The following CRYBG3 variants were observed in gnomAD, a reference collection of about 807,000 sequenced individuals.
CRYBG3 encodes the protein very large A-kinase anchor protein.
In CRYBG3, 127 loss-of-function variants were observed where a neutral mutation model predicts 244.2. The ratio of observed to expected loss-of-function variants is 0.52; its 90% CI spans 0.45 to 0.60. The LOEUF (loss-of-function observed/expected upper bound fraction) is 0.60, where lower values mean the gene tolerates loss of function less well. Ranked by LOEUF, CRYBG3 falls within the 20% of genes least tolerant of loss-of-function variation. The pLI is 0.00. For missense variants in CRYBG3, 3,325 were observed against 3,442.5 expected, an observed-to-expected ratio of 0.97 and a Z score of 0.85; for synonymous variants, 1,132 against 1,195.8, an observed-to-expected ratio of 0.95 and a Z score of 1.10.
intron 10 of CRYBG3, among the ~76,000 whole-genome samples, chr3:97,890,807 T>C (rs1174091045): frequency 6.6e-6 from 1 of 152,148 alleles, no homozygotes; most frequent in Non-Finnish European, 1.5e-5. Flanking sequence ...TAGGACCAAG[T>C]GAGAGAATGT....
chr3:97,854,430 T>G (rs776238042), intron 2 of CRYBG3, among the ~76,000 whole-genome samples: 6 of 152,280 alleles, frequency 3.9e-5, no homozygotes, highest in Non-Finnish European at 7.4e-5. Context: ...ATCTGTAGAT[T>G]ACTTTTGGCA....
chr3:97,900,642 C>T (rs1377778783), intron 15 of CRYBG3, among the ~76,000 whole-genome samples, 157 bp downstream of exon 15: 1 of 152,174 alleles, frequency 6.6e-6, no homozygotes, highest in Non-Finnish European at 1.5e-5. Context: ...GAAGAATTCA[C>T]ATCTTTGTCA....
rs1427448266 is a variant in CRYBG3, at chr3:97,872,205, T to C, written c.1011T>C (p.Ala337=). Residue 337 remains alanine, a synonymous_variant, in exon 4 of 22, where the codon GCT becomes GCC. Transcript: ENST00000389622. ...CCAATAATCTTTTAAATAAAAATGC[T>C]TGGGGGAGTATTGAGAGAAATAGGT... ...ASSNNLLNKN[A]WGSIERNRSS... 6.5e-7 allele frequency: 1 copy of C among 1,535,778 alleles called. No homozygotes were observed. Among genetic ancestry groups the C allele is most frequent in the Non-Finnish European group, 8.7e-7 (1 of 1,146,664 alleles).
Position 97,872,463 on chromosome 3 carries a change from A to G in CRYBG3, c.1269A>G (p.Arg423=). The change falls in exon 4 of 22, where the codon AGA becomes AGG. Residue 423 remains arginine (R), a synonymous_variant. Transcript: ENST00000389622. ...TGAGTAATAGGACATTGGTGCAAAG[A>G]GAGGAGCTTGTTGAGCCTCAGGGCC... ...TVMSNRTLVQ[R]EELVEPQGPA... The G allele has an allele frequency of 6.5e-7, 1 of 1,536,036 alleles. No homozygotes were observed. Among genetic ancestry groups the G allele is most frequent in the Non-Finnish European group, 8.7e-7 (1 of 1,146,816 alleles).
chr3:97,919,795 T>A (rs2039964547), intron 17 of CRYBG3, among the ~76,000 whole-genome samples: 1 of 151,700 alleles, frequency 6.6e-6, no homozygotes, highest in Admixed American at 6.6e-5. Flanking sequence ...ATCTGATTAG[T>A]AATTTTGTAG....
chr3:97,909,034 T>C (rs976170479), intron 15 of CRYBG3, among the ~76,000 whole-genome samples: 77 of 152,316 alleles, frequency 5.1e-4, no homozygotes, highest in African/African-American at 1.8e-3. Context: ...TATGAAATTC[T>C]GGGTTGAAAA....
chr3:97,853,707 C>T (rs115354327), intron 2 of CRYBG3, among the ~76,000 whole-genome samples: 3,854 of 152,194 alleles, frequency 0.025, 158 homozygotes, highest in African/African-American at 0.088. Flanking sequence ...TCACTGAATC[C>T]GTGTCAACAT....
intron 1 of CRYBG3, among the ~76,000 whole-genome samples, chr3:97,842,985 T>C (rs1291541732): frequency 6.6e-6 from 1 of 152,138 alleles, no homozygotes; most frequent in Non-Finnish European, 1.5e-5. Flanking sequence ...GCACAATGAG[T>C]TCACACAAAT....
chr3:97,879,789 T>C, intron 5 of CRYBG3, 41 bp downstream of exon 5: 1 of 1,438,612 alleles, frequency 7.0e-7, no homozygotes, highest in Non-Finnish European at 9.6e-7. Context: ...GGTTAAACAT[T>C]AGGTAACTTT....
chr3:97,942,619 C>T, intron 21 of CRYBG3, 176 bp downstream of exon 21: 1 of 582,294 alleles, frequency 1.7e-6, no homozygotes, highest in South Asian at 3.1e-5. Flanking sequence ...GCAGAAAAAG[C>T]CAAACAACAA....
At chr3:97,855,279 G>T (rs1341760298) in intron 2 of CRYBG3, among the ~76,000 whole-genome samples, 3 of 151,988 alleles carry the variant, frequency 2.0e-5, no homozygotes, top group African/African-American at 4.8e-5. Flanking sequence ...TTATTCTAGG[G>T]TAATGGCCTG....
intron 2 of CRYBG3, among the ~76,000 whole-genome samples, chr3:97,858,012 A>G (rs1190565809): frequency 6.6e-6 from 1 of 151,962 alleles, no homozygotes; most frequent in Non-Finnish European, 1.5e-5. Flanking sequence ...ATGATAGTAG[A>G]TAATGTTTTG....
chr3:97,933,811 T>C lies in CRYBG3; in HGVS notation c.8359T>C (p.Ser2787Pro). The change falls in exon 18 of 22, where the codon TCT becomes CCT. Residue 2787 changes from serine (S) to proline (P), a missense_variant. Ser to Pro is a moderately conservative substitution (Grantham distance 74). Coordinates refer to ENST00000389622, the MANE Select transcript of CRYBG3 (RefSeq NM_153605.4). ...CAAGGACCTACACTTCTACACCCAG[T>C]CTGTGTGGGTAAAAAGTGGACTGTA... ...LNKDLHFYTQSVWVKSGLWIA... is the reference protein window; with the variant it reads ...LNKDLHFYTQPVWVKSGLWIA... 1 of 1,612,376 alleles carries C rather than the reference T, an allele frequency of 6.2e-7. No individual in the cohort carries two copies. Among genetic ancestry groups the C allele is most frequent in the Non-Finnish European group, 8.5e-7 (1 of 1,178,874 alleles).
rs1396948435 is a variant in CRYBG3, at chr3:97,872,907, T to C, written c.1713T>C (p.Asp571=). ...TTGAAACCAAAGCCAAAAAGCTTGA[T>C]TTTAGGTCACATGATAAAATTCCTC... ...QYFETKAKKL[D]FRSHDKIPHI... The change falls in exon 4 of 22, where the codon GAT becomes GAC. Residue 571 remains aspartate (D), a synonymous_variant. Coordinates refer to ENST00000389622, the MANE Select transcript of CRYBG3 (RefSeq NM_153605.4). The C allele has an allele frequency of 1.4e-5, 21 of 1,530,002 alleles. No individual in the cohort carries two copies. The Admixed American group carries it at 4.0e-4, about 29-fold the overall frequency. 94.8% of individuals were successfully genotyped at this position (1,530,002 alleles called of 1,614,324 possible). A position where few individuals can be genotyped will look rare whatever the true frequency, so the allele number is the denominator to read the frequency against.
At chr3:97,887,798 G>A (rs1264160791) in intron 8 of CRYBG3, among the ~76,000 whole-genome samples, 1 of 151,988 alleles carries the variant, frequency 6.6e-6, no homozygotes, top group Non-Finnish European at 1.5e-5. Context: ...CAACTTTGGG[G>A]TAGGCCAGTA....
rs775856558 is a variant in CRYBG3 at position 97,892,819 on chromosome 3, G to C, written c.7441-41G>C. The C allele has an allele frequency of 1.8e-5, 19 of 1,054,886 alleles. 1 individual carries two copies. The Admixed American group carries it at 5.7e-4, about 32-fold the overall frequency. 65.3% of individuals were successfully genotyped at this position (1,054,886 alleles called of 1,614,324 possible). A position where few individuals can be genotyped will look rare whatever the true frequency, so the allele number is the denominator to read the frequency against. On this transcript the variant is annotated intron_variant, in intron 10 of 21. Coordinates refer to ENST00000389622, the MANE Select transcript of CRYBG3 (RefSeq NM_153605.4). ...TCTTTGGTGTCACTTAAGTAAATATGTGTCTATATTAAAATATAAACATGT... is the reference window on the plus strand; with the variant it reads ...TCTTTGGTGTCACTTAAGTAAATATCTGTCTATATTAAAATATAAACATGT...
intron 1 of CRYBG3, among the ~76,000 whole-genome samples, chr3:97,827,987 T>TG (rs2038601004): frequency 1.3e-5 from 2 of 152,172 alleles, no homozygotes; most frequent in Non-Finnish European, 2.9e-5. Context: ...GTCAGAGCTA[T>TG]GGACAATCAA....
chr3:97,900,607 C>A, intron 15 of CRYBG3, 122 bp downstream of exon 15: 1 of 649,032 alleles, frequency 1.5e-6, no homozygotes, highest in South Asian at 1.9e-5. Flanking sequence ...GAGCAGATTA[C>A]AATTGCATTT....
chr3:97,877,854 C>T lies in CRYBG3; in HGVS notation c.6660C>T (p.Leu2220=), dbSNP rs754798718. The T allele has an allele frequency of 6.2e-7, 1 of 1,614,076 alleles. No individual in the cohort carries two copies. ...TGTGGCCAGAAAAGACCTCGTTTCT[C>T]CAGAAATCTGACCTTACTTCTAAAC... ...VGLWPEKTSF[L]QKSDLTSKLH... The change falls in exon 4 of 22, where the codon CTC becomes CTT. Residue 2220 remains leucine, a synonymous_variant. Transcript: ENST00000389622.
Sources: gnomAD v4.1 joint callset for allele counts (sites outside exome capture counted in the v4.1 genomes callset) on GRCh38, gnomAD v4.1.1 for gene constraint, MANE v1.5 for transcripts, NCBI Gene and HGNC (gene_info 2026-07-23, HGNC 2026-07-21) for gene names.